NAV2: variants seen among roughly 807,000 people sequenced by gnomAD.
NAV2 encodes neuron navigator 2, also known as helicase, APC down-regulated 1.
In NAV2, 54 loss-of-function variants were observed where a neutral mutation model predicts 223.2. The observed-to-expected ratio is 0.24, with a 90% confidence interval of 0.19 to 0.30. The LOEUF is 0.30. Ranked by LOEUF, NAV2 falls within the 10% of genes least tolerant of loss-of-function variation. The pLI is 1.00. For synonymous variants in NAV2, 1,279 were observed against 1,239.3 expected, an observed-to-expected ratio of 1.03 and a Z score of -0.67; for missense variants, 2,806 against 3,147.5, an observed-to-expected ratio of 0.89 and a Z score of 2.60.
chr11:19,835,587 A>T (rs1056089434), intron 2 of NAV2, among the ~76,000 whole-genome samples: 2 of 152,084 alleles, frequency 1.3e-5, no homozygotes, highest in Non-Finnish European at 2.9e-5. Context: ...CCATTTGAAC[A>T]CTTTGCTTTT....
intron 10 of NAV2, among the ~76,000 whole-genome samples, chr11:19,961,401 G>A (rs2048345460): frequency 2.0e-5 from 3 of 152,176 alleles, no homozygotes; most frequent in Non-Finnish European, 4.4e-5. Context: ...AATATGAAAA[G>A]AAACATTTGG....
intron 1 of NAV2, among the ~76,000 whole-genome samples, chr11:19,832,241 C>T (rs559053733): frequency 1.3e-5 from 2 of 152,230 alleles, no homozygotes; most frequent in African/African-American, 4.8e-5. Flanking sequence ...CAGCCCTCTG[C>T]ATGTTTTGAA....
At chr11:19,375,378 C>A (rs1387920495) in intron 1 of NAV2, among the ~76,000 whole-genome samples, 1 of 152,200 alleles carries the variant, frequency 6.6e-6, no homozygotes, top group African/African-American at 2.4e-5. Context: ...AGAGACCAGT[C>A]AGTGAGAGCA....
At chr11:19,861,239 A>T (rs1477737605) in intron 3 of NAV2, among the ~76,000 whole-genome samples, 4 of 152,188 alleles carry the variant, frequency 2.6e-5, no homozygotes, top group Non-Finnish European at 5.9e-5. Flanking sequence ...GTTTATCAGC[A>T]TCTTTTCAAG....
chr11:20,060,800 T>C (rs2153622093), intron 19 of NAV2, among the ~76,000 whole-genome samples: 1 of 152,288 alleles, frequency 6.6e-6, no homozygotes, highest in South Asian at 2.1e-4. Flanking sequence ...GAAAGTACTG[T>C]CTAGGGCAAG....
At chr11:19,436,074 A>T (rs1477990980) in intron 1 of NAV2, among the ~76,000 whole-genome samples, 1 of 151,948 alleles carries the variant, frequency 6.6e-6, no homozygotes, top group Non-Finnish European at 1.5e-5. Flanking sequence ...AGTGTGATGC[A>T]GTCCCATTTG....
intron 27 of NAV2, 30 bp from the exon 28 acceptor site, chr11:20,092,176 C>A (rs774754352): frequency 5.0e-6 from 8 of 1,599,878 alleles, no homozygotes; most frequent in Non-Finnish European, 6.0e-6. Flanking sequence ...CTTCTGCCTA[C>A]TAAGGGAGCT....
intron 1 of NAV2, among the ~76,000 whole-genome samples, chr11:19,636,681 A>C (rs2047512185): frequency 6.6e-6 from 1 of 152,112 alleles, no homozygotes; most frequent in Non-Finnish European, 1.5e-5. Context: ...CATGTTACCC[A>C]GGATGGTCTT....
chr11:19,999,707 A>T (rs2625305), intron 11 of NAV2, among the ~76,000 whole-genome samples: 25,688 of 152,034 alleles, frequency 0.17, 2,462 homozygotes, highest in Admixed American at 0.25. Flanking sequence ...CACTCTTACA[A>T]GTTCAGATGC....
chr11:19,450,922 C>A (rs1851768472), intron 1 of NAV2, among the ~76,000 whole-genome samples: 1 of 152,080 alleles, frequency 6.6e-6, no homozygotes, highest in Admixed American at 6.6e-5. Flanking sequence ...TCCTGTGGGT[C>A]TGCTGGGTGA....
chr11:19,653,232 G>A (rs1159815201), intron 1 of NAV2, among the ~76,000 whole-genome samples: 1 of 152,164 alleles, frequency 6.6e-6, no homozygotes, highest in Non-Finnish European at 1.5e-5. Flanking sequence ...GTTTCATGAT[G>A]GATGGCGGTG....
At chr11:19,927,822 T>G (rs144783986) in intron 6 of NAV2, among the ~76,000 whole-genome samples, 232 of 152,356 alleles carry the variant, frequency 1.5e-3, no homozygotes, top group African/African-American at 5.1e-3. Flanking sequence ...ATTTTTCAGT[T>G]TAACATGTGG....
chr11:19,755,181 C>T (rs180819516), intron 1 of NAV2, among the ~76,000 whole-genome samples: 4 of 152,340 alleles, frequency 2.6e-5, no homozygotes, highest in Non-Finnish European at 5.9e-5. Context: ...CCTGTTGTTA[C>T]GTGTACATTT....
At chr11:19,936,939 A>C (rs1187952001) in intron 7 of NAV2, among the ~76,000 whole-genome samples, 1 of 152,174 alleles carries the variant, frequency 6.6e-6, no homozygotes, top group Non-Finnish European at 1.5e-5. Context: ...GGGGTTCAAG[A>C]CCAGCCTGGC....
chr11:19,598,418 C>A (rs1190607231), intron 1 of NAV2, among the ~76,000 whole-genome samples: 2 of 152,202 alleles, frequency 1.3e-5, no homozygotes, highest in Non-Finnish European at 2.9e-5. Context: ...TCAGTCTGAC[C>A]TGCTTTTATG....
chr11:20,048,949 A>G lies in NAV2; in HGVS notation c.4124A>G (p.His1375Arg), dbSNP rs373717265. 2.9e-5 allele frequency: 47 copies of G among 1,613,790 alleles called. No homozygotes were observed. In the African/African-American group the frequency reaches 5.3e-4, roughly 18 times the overall value. ...CTAGCCTCCAGCCCCAGCTCAGCCC[A>G]CTCGGCCCCTTCCAACAGCCTCACC... ...SPLASSPSSAHSAPSNSLTWG... is the reference protein window; with the variant it reads ...SPLASSPSSARSAPSNSLTWG... Residue 1375 changes from histidine (H) to arginine (R), a missense_variant, in exon 15 of 38, where the codon CAC becomes CGC. His to Arg is a conservative substitution (Grantham distance 29). Coordinates refer to ENST00000349880, the MANE Select transcript of NAV2 (RefSeq NM_145117.5).
intron 10 of NAV2, among the ~76,000 whole-genome samples, chr11:19,975,707 C>A (rs1822275): frequency 6.6e-6 from 1 of 151,998 alleles, no homozygotes; most frequent in Admixed American, 6.6e-5. Context: ...TGCCATGAGC[C>A]ACTGCGGAAT....
At chr11:19,397,597 T>C (rs993299982) in intron 1 of NAV2, among the ~76,000 whole-genome samples, 4 of 152,194 alleles carry the variant, frequency 2.6e-5, no homozygotes, top group Non-Finnish European at 4.4e-5. Flanking sequence ...TTTGCATGTA[T>C]ATTTAATTTG....
chr11:19,551,952 A>T (rs981745093), intron 1 of NAV2, among the ~76,000 whole-genome samples: 4 of 151,106 alleles, frequency 2.6e-5, no homozygotes, highest in Non-Finnish European at 2.9e-5. Context: ...TTTCAAGAGG[A>T]CATTAGCTCC....
Sources: allele counts gnomAD v4.1 joint callset (sites outside exome capture counted in the v4.1 genomes callset), GRCh38; gene constraint gnomAD v4.1.1; transcripts MANE v1.5; gene names NCBI Gene and HGNC (gene_info 2026-07-23, HGNC 2026-07-21).